INPP4A: variants seen among roughly 807,000 people sequenced by gnomAD.
INPP4A encodes inositol polyphosphate-4-phosphatase, type I, 107kD.
In INPP4A, 33 loss-of-function variants were observed where a neutral mutation model predicts 119.8. The ratio of observed to expected loss-of-function variants is 0.28; its 90% CI spans 0.21 to 0.37. INPP4A has a LOEUF of 0.37. Among genes scored for constraint, INPP4A ranks in the 10% least tolerant of loss-of-function variants. The probability of loss-of-function intolerance (pLI) is 1.00; values close to 1 mark genes in which losing one functional copy is unlikely to be tolerated. For synonymous variants in INPP4A, 496 were observed against 500.7 expected (o/e 0.99, Z 0.12); for missense variants, 956 against 1,289.9 (o/e 0.74, Z 3.97).
At chr2:98,447,026 A>G (rs1694309764) in intron 1 of INPP4A, among the ~76,000 whole-genome samples, 1 of 152,150 alleles carries the variant, frequency 6.6e-6, no homozygotes, top group African/African-American at 2.4e-5. Flanking sequence ...CATCTCTTCA[A>G]ATGCACACGG....
chr2:98,586,813 G>A (rs1700005176), intron 24 of INPP4A, among the ~76,000 whole-genome samples: 1 of 152,202 alleles, frequency 6.6e-6, no homozygotes, highest in Non-Finnish European at 1.5e-5. Context: ...CCTGTGGAAG[G>A]GTGGCTGGCT....
In INPP4A at chr2:98,590,504, A is replaced by T. The variant is rs1700320975; in HGVS notation, c.*2896A>T. 1 of 192,766 alleles carries T rather than the reference A, an allele frequency of 5.2e-6. No homozygotes were observed. The highest frequency in any genetic ancestry group is 1.9e-4 in the South Asian group (1 of 5,164). The allele number at this position is 192,766 out of a possible 1,614,324, so 11.9% of individuals were successfully genotyped here. A position where few individuals can be genotyped will look rare whatever the true frequency, so the allele number is the denominator to read the frequency against. On this transcript the variant is annotated 3_prime_UTR_variant, in exon 25 of 25. Coordinates refer to ENST00000409851, the MANE Select transcript of INPP4A (RefSeq NM_001134225.2). ...CAACAACAGTACCTTCCTCATAAGG[A>T]ACGTGCGACGCGCCTCAGAAGTACG...
At chr2:98,552,323 G>A (rs141040067) in intron 13 of INPP4A, among the ~76,000 whole-genome samples, 1,725 of 152,240 alleles carry the variant, frequency 0.011, 39 homozygotes, top group African/African-American at 0.039. Context: ...AGAAAAAATA[G>A]GTTTTGGTTG....
chr2:98,446,536 C>A (rs182572658), intron 1 of INPP4A, among the ~76,000 whole-genome samples: 1 of 151,948 alleles, frequency 6.6e-6, no homozygotes, highest in Non-Finnish European at 1.5e-5. Context: ...CTAGTAAACA[C>A]GCCTGTGAAG....
In INPP4A at chr2:98,539,542, A is replaced by G; in HGVS notation, c.685A>G (p.Ile229Val). 6.2e-7 allele frequency: 1 copy of G among 1,609,572 alleles called. No homozygotes were observed. The highest frequency in any genetic ancestry group is 8.5e-7 in the Non-Finnish European group (1 of 1,177,286). ...TCCCACCTCAGTGTTCGGTGGTGCC[A>G]TCTGCCGCATGTACCGGTTTCCAAC... ...TLLKSVFGGA[I>V]CRMYRFPTTD... The change falls in exon 10 of 25, where the codon ATC (isoleucine) becomes GTC (valine). Residue 229 changes from isoleucine (I) to valine (V), a missense_variant. Transcript: ENST00000409851.
intron 10 of INPP4A, among the ~76,000 whole-genome samples, chr2:98,541,555 T>G (rs1456158192): frequency 6.6e-6 from 1 of 152,188 alleles, no homozygotes; most frequent in Non-Finnish European, 1.5e-5. Context: ...TCCCATTACA[T>G]GGTGTATTAT....
intron 13 of INPP4A, among the ~76,000 whole-genome samples, chr2:98,552,300 C>T (rs887721194): frequency 5.9e-5 from 9 of 152,126 alleles, no homozygotes; most frequent in Admixed American, 2.0e-4. Context: ...GCTTGAATGC[C>T]TGATTGGCCA....
intron 1 of INPP4A, among the ~76,000 whole-genome samples, chr2:98,464,776 T>C (rs1037938553): frequency 6.6e-6 from 1 of 152,208 alleles, no homozygotes; most frequent in Admixed American, 6.5e-5. Context: ...TTTTAACTAA[T>C]TGAACTGAAT....
In INPP4A at chr2:98,468,008, G is replaced by A. The variant is rs901225738; in HGVS notation, c.-166+22923G>A. Among the ~76,000 whole-genome samples the A allele has an allele frequency of 2.6e-5, 4 of 152,154 alleles. No homozygotes were observed. The East Asian group carries it at 7.7e-4, about 29-fold the overall frequency. Reference sequence around the variant, plus strand: ...GTACAGCCTGTTGGTTGAACAGGCCGTAAGTTCAGCCTCATCTTTGTCGAG... The same window carrying A: ...GTACAGCCTGTTGGTTGAACAGGCCATAAGTTCAGCCTCATCTTTGTCGAG... On this transcript the variant is annotated intron_variant, in intron 1 of 24. Coordinates refer to ENST00000409851, the MANE Select transcript of INPP4A (RefSeq NM_001134225.2).
At chr2:98,509,151 T>C (rs1368393539) in intron 1 of INPP4A, among the ~76,000 whole-genome samples, 1 of 152,200 alleles carries the variant, frequency 6.6e-6, no homozygotes, top group Non-Finnish European at 1.5e-5. Context: ...AAGCCTCTTA[T>C]CATCTTTGTA....
At chr2:98,500,546 A>T (rs535639598) in intron 1 of INPP4A, among the ~76,000 whole-genome samples, 6 of 152,314 alleles carry the variant, frequency 3.9e-5, no homozygotes, top group African/African-American at 1.4e-4. Flanking sequence ...ACGGGCTTGC[A>T]GTGGTGGGGG....
intron 13 of INPP4A, among the ~76,000 whole-genome samples, chr2:98,547,392 A>C (rs948506033): frequency 3.7e-4 from 57 of 152,280 alleles, no homozygotes; most frequent in African/African-American, 1.3e-3. Flanking sequence ...AAGCATGCTG[A>C]GGATGCTGGG....
chr2:98,584,476 A>G (rs987868432), intron 24 of INPP4A, among the ~76,000 whole-genome samples: 5 of 152,234 alleles, frequency 3.3e-5, no homozygotes, highest in Non-Finnish European at 7.3e-5. Flanking sequence ...GGCACCCTCC[A>G]GGGACGCCTC....
intron 1 of INPP4A, among the ~76,000 whole-genome samples, chr2:98,480,337 C>A (rs1318699075): frequency 6.6e-6 from 1 of 152,154 alleles, no homozygotes; most frequent in Non-Finnish European, 1.5e-5. Context: ...TTTATTAATC[C>A]CCAGCTACCT....
chr2:98,566,653 A>C lies in INPP4A; in HGVS notation c.2420+484A>C, dbSNP rs576881105. Among the ~76,000 whole-genome samples, 2 of 152,128 alleles carry C rather than the reference A, an allele frequency of 1.3e-5. No homozygotes were observed. Among genetic ancestry groups the C allele is most frequent in the Non-Finnish European group, 2.9e-5 (2 of 68,008 alleles). ...GGCAGGGATTGGCAGGTAAGGGTAG[A>C]CAGGCTCTGTGTGCCAGGCTGAGAC... On this transcript the variant is annotated intron_variant, in intron 21 of 24. Coordinates refer to ENST00000409851, the MANE Select transcript of INPP4A (RefSeq NM_001134225.2). The surrounding 1 kb of genome is among the most constrained non-coding windows in gnomAD (Gnocchi z 4.2).
chr2:98,555,746 TCCCCTCCTCACCATG>T lies in INPP4A; in HGVS notation c.1768_1782del (p.Ser590_Ser594del). On this transcript the variant is annotated inframe_deletion, in exon 16 of 25. Transcript: ENST00000409851. ...AGACCAGAAGACCCCTTCTGTGATGTCCCCTCCTCACCATGCCCCTCCACCATGCCCTCCACTGCA... is the reference window on the plus strand; with the variant it reads ...AGACCAGAAGACCCCTTCTGTGATGTCCCCTCCACCATGCCCTCCACTGCA... 17 of 1,597,344 alleles carry T rather than the reference TCCCCTCCTCACCATG, an allele frequency of 1.1e-5. No homozygotes were observed. Among genetic ancestry groups the T allele is most frequent in the Non-Finnish European group, 1.5e-5 (17 of 1,171,536 alleles).
At chr2:98,465,365 G>A (rs182186041) in intron 1 of INPP4A, among the ~76,000 whole-genome samples, 3 of 152,118 alleles carry the variant, frequency 2.0e-5, no homozygotes, top group Admixed American at 6.5e-5. Flanking sequence ...TCTTCTCTCC[G>A]AAATCTCCTG....
intron 1 of INPP4A, among the ~76,000 whole-genome samples, chr2:98,508,148 G>A (rs1684442949): frequency 6.6e-6 from 1 of 152,238 alleles, no homozygotes; most frequent in African/African-American, 2.4e-5. Context: ...CAGAGCTCGG[G>A]TTAGAGGCTG....
At chr2:98,445,609 C>A (rs1311940338) in intron 1 of INPP4A, among the ~76,000 whole-genome samples, 1 of 152,188 alleles carries the variant, frequency 6.6e-6, no homozygotes, top group African/African-American at 2.4e-5. Context: ...TTAATTGAGG[C>A]CTGAGAAATG....
Sources: allele counts gnomAD v4.1 joint callset (sites outside exome capture counted in the v4.1 genomes callset), GRCh38; gene constraint gnomAD v4.1.1; non-coding constraint Gnocchi (gnomAD v3.1); transcripts MANE v1.5; gene names NCBI Gene and HGNC (gene_info 2026-07-23, HGNC 2026-07-21).